The following TANC1 variants were observed in gnomAD, a reference collection of about 807,000 sequenced individuals.
TANC1 encodes protein TANC1.
A neutral mutation model predicts 149.7 loss-of-function variants in TANC1; 77 were observed. The observed-to-expected ratio is 0.51, with a 90% CI of 0.43 to 0.62. The LOEUF is 0.62. Ranked by LOEUF, TANC1 falls within the 20% of genes least tolerant of loss-of-function variation. The pLI, the probability that TANC1 is intolerant of heterozygous loss-of-function variation, is 0.00. For synonymous variants in TANC1, 854 were observed against 925.0 expected, an observed-to-expected ratio of 0.92 and a Z score of 1.39; for missense variants, 1,985 against 2,321.8, an observed-to-expected ratio of 0.85 and a Z score of 2.98.
intron 2 of TANC1, among the ~76,000 whole-genome samples, chr2:159,010,955 T>A (rs910235873): frequency 6.6e-6 from 1 of 152,156 alleles, no homozygotes; most frequent in Admixed American, 6.5e-5. Context: ...TGGGGTTGAA[T>A]GAGTCCGTTG....
Position 159,194,507 on chromosome 2 carries a change from T to C in TANC1, c.2979+14T>C, listed in dbSNP as rs1306401882. ...AAGGGAGTGAGAGTAAGCGGCAGCC[T>C]GCTCTTTTGGGGCTGGGGCAGGGAA... On this transcript the variant is annotated intron_variant, in intron 17 of 26. Transcript: ENST00000263635. The C allele has an allele frequency of 5.0e-6, 8 of 1,607,536 alleles. No individual in the cohort carries two copies. In the Admixed American group the frequency reaches 8.3e-5, roughly 17 times the overall value.
At chr2:158,997,780 A>G (rs1255558573) in intron 1 of TANC1, among the ~76,000 whole-genome samples, 3 of 152,228 alleles carry the variant, frequency 2.0e-5, no homozygotes, top group Non-Finnish European at 4.4e-5. Flanking sequence ...GAGAAGAGAC[A>G]TCTTCCTTAT....
In TANC1 at chr2:159,230,899, C is replaced by T. The variant is rs77049231; in HGVS notation, c.5473C>T (p.His1825Tyr). Residue 1825 changes from histidine (H) to tyrosine (Y), a missense_variant, in exon 27 of 27, where the codon CAT (histidine) becomes TAT (tyrosine). His to Tyr is a moderately conservative substitution (Grantham distance 83). Coordinates refer to ENST00000263635, the MANE Select transcript of TANC1 (RefSeq NM_033394.3). The surrounding 1 kb of genome is among the most constrained non-coding windows in gnomAD (Gnocchi z 4.4). ...GAACAGGATAACTAAGACTGTTTCTCATCTGTACCAGGAAAGTATCTCCAA... is the reference window on the plus strand; with the variant it reads ...GAACAGGATAACTAAGACTGTTTCTTATCTGTACCAGGAAAGTATCTCCAA... The part of the protein sequence containing the change: ...QENRITKTVS[H>Y]LYQESISKQQ... 7.3e-3 allele frequency: 11,799 copies of T among 1,614,094 alleles called. 790 individuals carry two copies. In the African/African-American group the frequency reaches 0.14, roughly 19 times the overall value.
At chr2:158,994,979 GC>G (rs1295008148) in intron 1 of TANC1, among the ~76,000 whole-genome samples, 2 of 152,234 alleles carry the variant, frequency 1.3e-5, no homozygotes, top group Admixed American at 1.3e-4. Context: ...AAGGCTTCGA[GC>G]TGGACAGAGC....
At chr2:158,972,532 C>T (rs1174745851) in intron 1 of TANC1, among the ~76,000 whole-genome samples, 2 of 152,176 alleles carry the variant, frequency 1.3e-5, no homozygotes, top group Non-Finnish European at 2.9e-5. Context: ...TAGCAGCACT[C>T]ACTGCAGCTT....
At chr2:159,075,980 G>A (rs562386703) in intron 3 of TANC1, among the ~76,000 whole-genome samples, 4 of 152,312 alleles carry the variant, frequency 2.6e-5, no homozygotes, top group South Asian at 4.1e-4. Flanking sequence ...GGGGGTATTT[G>A]TGGGTTTTAG....
intron 3 of TANC1, among the ~76,000 whole-genome samples, chr2:159,079,659 A>G (rs552310823): frequency 7.1e-4 from 108 of 152,274 alleles, no homozygotes; most frequent in African/African-American, 2.4e-3. Context: ...TCCCAAATCA[A>G]TAGAAAGGGA....
rs369036218 is a variant in TANC1, at chr2:159,083,497, CAAAG to C, written c.62-14139_62-14136del. Among the ~76,000 whole-genome samples, 725 of 152,090 alleles carry C rather than the reference CAAAG, an allele frequency of 4.8e-3. 7 individuals carry two copies. The highest frequency in any genetic ancestry group is 0.016 in the African/African-American group (653 of 41,468). On this transcript the variant is annotated intron_variant, in intron 3 of 26. Transcript: ENST00000263635. The stretch of plus-strand genomic sequence containing the variant: ...TGAAAGGGTTCCATTAGAGAAATAA[CAAAG>C]GAAGAGTATTTGATCAAAGTAATTT...
At chr2:159,167,519 G>A (rs1300312213) in intron 8 of TANC1, among the ~76,000 whole-genome samples, 1 of 152,218 alleles carries the variant, frequency 6.6e-6, no homozygotes, top group Non-Finnish European at 1.5e-5. Context: ...AATTAGCTGA[G>A]TCTTTCTAAT....
At chr2:159,082,216 A>G (rs905064170) in intron 3 of TANC1, among the ~76,000 whole-genome samples, 1 of 152,218 alleles carries the variant, frequency 6.6e-6, no homozygotes, top group Non-Finnish European at 1.5e-5. Flanking sequence ...GTGTCTGAAC[A>G]GAAGGGCATG....
intron 19 of TANC1, among the ~76,000 whole-genome samples, chr2:159,206,403 C>G (rs1559457965): frequency 6.6e-6 from 1 of 152,156 alleles, no homozygotes; most frequent in Admixed American, 6.5e-5. Flanking sequence ...TTCCGGAGAC[C>G]ACTCCTCTCT....
chr2:159,230,373 G>A lies in TANC1; in HGVS notation c.4947G>A (p.Ala1649=), dbSNP rs376326551. ...CCCCTCCAAACCAAGGTGGGCTGGC[G>A]ACCTGCAGCGACGTGCGACACCCAG... ...DAAPPNQGGL[A]TCSDVRHPAS... The change falls in exon 27 of 27, where the codon GCG becomes GCA. Residue 1649 remains alanine, a synonymous_variant. Transcript: ENST00000263635. This position sits in a 1 kb window ranked among gnomAD's most constrained non-coding sequence, Gnocchi z 4.4. 2.5e-6 allele frequency: 4 copies of A among 1,614,058 alleles called. No homozygotes were observed. The highest frequency in any genetic ancestry group is 2.2e-5 in the East Asian group (1 of 44,864).
At chr2:159,125,563 A>ATTTC (rs2049347516) in intron 4 of TANC1, among the ~76,000 whole-genome samples, 1 of 137,530 alleles carries the variant, frequency 7.3e-6, no homozygotes, top group African/African-American at 2.7e-5. Context: ...TGAGGTCCCC[A>ATTTC]TTCCTTCCTT....
intron 19 of TANC1, among the ~76,000 whole-genome samples, chr2:159,206,787 G>A (rs1323095548): frequency 6.6e-6 from 1 of 152,130 alleles, no homozygotes; most frequent in Non-Finnish European, 1.5e-5. Context: ...TTTACACTGA[G>A]ACCTCATGTG....
At position 159,080,988 on chromosome 2, in the gene TANC1, C is replaced by G. The variant is rs374225378; in HGVS notation, c.61+15017C>G. Among the ~76,000 whole-genome samples the G allele has an allele frequency of 1.2e-4, 19 of 152,328 alleles. No individual in the cohort carries two copies. The East Asian group carries it at 3.5e-3, about 28-fold the overall frequency. ...TAATTTTCACAGGCTCACTCCACCT[C>G]GGGCTCCCTGTGGGAATGGTAGGCC... On this transcript the variant is annotated intron_variant, in intron 3 of 26. Coordinates refer to ENST00000263635, the MANE Select transcript of TANC1 (RefSeq NM_033394.3).
At chr2:159,151,507 T>C (rs2052810102) in intron 7 of TANC1, among the ~76,000 whole-genome samples, 1 of 152,278 alleles carries the variant, frequency 6.6e-6, no homozygotes, top group South Asian at 2.1e-4. Context: ...AGGGATAGTT[T>C]ATGCTTTATT....
At chr2:159,129,811 A>G (rs76502998) in intron 4 of TANC1, among the ~76,000 whole-genome samples, 5,294 of 152,252 alleles carry the variant, frequency 0.035, 119 homozygotes, top group Non-Finnish European at 0.054. Context: ...GGTAATGCCC[A>G]TTTATCTTAA....
chr2:159,036,694 C>CT (rs1316627965), intron 2 of TANC1, among the ~76,000 whole-genome samples: 1 of 152,154 alleles, frequency 6.6e-6, no homozygotes, highest in African/African-American at 2.4e-5. Flanking sequence ...TGAACTCATC[C>CT]TTTTTTATGG....
chr2:158,996,276 C>T (rs959623469), intron 1 of TANC1, among the ~76,000 whole-genome samples: 9 of 152,104 alleles, frequency 5.9e-5, no homozygotes, highest in African/African-American at 9.7e-5. Context: ...GGAAGGATCA[C>T]TTGAGCCTAG....
Sources: gnomAD v4.1 joint callset for allele counts (sites outside exome capture counted in the v4.1 genomes callset) on GRCh38, gnomAD v4.1.1 for gene constraint, Gnocchi (gnomAD v3.1) non-coding constraint, MANE v1.5 for transcripts, NCBI Gene and HGNC (gene_info 2026-07-23, HGNC 2026-07-21) for gene names.